EYS: variants seen among roughly 807,000 people sequenced by gnomAD.
EYS encodes protein eyes shut homolog.
In EYS, 250 loss-of-function variants were observed where a neutral mutation model predicts 282.1. The ratio of observed to expected loss-of-function variants is 0.89; its 90% confidence interval spans 0.80 to 0.98. EYS has a LOEUF of 0.98. Ranked by LOEUF, EYS falls within the 50% of genes least tolerant of loss-of-function variation. The probability of loss-of-function intolerance (pLI) is 0.00; values close to 1 mark genes in which losing one functional copy is unlikely to be tolerated. For synonymous variants in EYS, 1,355 were observed against 1,282.9 expected, an observed-to-expected ratio of 1.06 and a Z score of -1.20; for missense variants, 4,016 against 3,709.0, an observed-to-expected ratio of 1.08 and a Z score of -2.15.
chr6:64,284,664 G>T (rs571925741), intron 30 of EYS, among the ~76,000 whole-genome samples: 3 of 152,284 alleles, frequency 2.0e-5, no homozygotes, highest in Admixed American at 6.5e-5. Flanking sequence ...GCAAACTTCT[G>T]CCTGGGCATC....
rs574666341 is a variant in EYS, at chr6:64,093,329, A to G, written c.6425-11327T>C. Among the ~76,000 whole-genome samples, 19 of 152,268 alleles carry G rather than the reference A, an allele frequency of 1.2e-4. No individual in the cohort carries two copies. The East Asian group carries it at 3.3e-3, about 26-fold the overall frequency. On this transcript the variant is annotated intron_variant, in intron 31 of 42. Coordinates refer to ENST00000503581, the MANE Select transcript of EYS (RefSeq NM_001142800.2). ...GCTTGATGGGGATGGCATTGAATCT[A>G]TAAATTACCTCGGGCAGTATGGCCA...
At chr6:65,555,454 A>C (rs1244489927) in intron 2 of EYS, among the ~76,000 whole-genome samples, 1 of 152,092 alleles carries the variant, frequency 6.6e-6, no homozygotes, top group Admixed American at 6.6e-5. Flanking sequence ...ATATTAGTTC[A>C]TATTACTTAG....
chr6:64,814,932 A>AGTGACTTT (rs1406762997), intron 21 of EYS, among the ~76,000 whole-genome samples: 2 of 152,014 alleles, frequency 1.3e-5, no homozygotes, highest in Non-Finnish European at 2.9e-5. Context: ...GCTTACAAAT[A>AGTGACTTT]TTTAGTGACT....
intron 33 of EYS, among the ~76,000 whole-genome samples, chr6:64,038,445 C>T (rs1039577409): frequency 2.5e-4 from 38 of 151,942 alleles, no homozygotes; most frequent in East Asian, 7.7e-4. Flanking sequence ...ATGATTTTAC[C>T]TGTCTTAAAA....
intron 41 of EYS, among the ~76,000 whole-genome samples, chr6:63,735,681 A>G (rs1048524205): frequency 1.6e-4 from 24 of 152,118 alleles, no homozygotes; most frequent in African/African-American, 5.5e-4. Flanking sequence ...ATACAACACT[A>G]CAATCCAACA....
At chr6:65,593,777 G>T in intron 2 of EYS, among the ~76,000 whole-genome samples, 1 of 151,680 alleles carries the variant, frequency 6.6e-6, no homozygotes, top group South Asian at 2.1e-4. Context: ...CTTCTCTTTA[G>T]GAAGTGTTTC....
chr6:64,695,389 G>T (rs1336075511), intron 22 of EYS, among the ~76,000 whole-genome samples: 1 of 151,888 alleles, frequency 6.6e-6, no homozygotes, highest in Non-Finnish European at 1.5e-5. Flanking sequence ...GTGATCTTCT[G>T]CTACCTTCAT....
chr6:64,724,632 G>A (rs1039311478), intron 22 of EYS, among the ~76,000 whole-genome samples: 1 of 152,160 alleles, frequency 6.6e-6, no homozygotes, highest in African/African-American at 2.4e-5. Flanking sequence ...TTAATGTTGA[G>A]TGGGAAAACT....
chr6:65,273,552 C>A (rs1239340168), intron 12 of EYS, among the ~76,000 whole-genome samples: 1 of 152,092 alleles, frequency 6.6e-6, no homozygotes, highest in Admixed American at 6.6e-5. Context: ...CTCCAGACAC[C>A]CCCAATCCAG....
At chr6:65,481,850 G>A (rs950654230) in intron 5 of EYS, among the ~76,000 whole-genome samples, 5 of 152,234 alleles carry the variant, frequency 3.3e-5, no homozygotes, top group Admixed American at 2.6e-4. Flanking sequence ...GATTACAGGC[G>A]TGAGCCACTG....
intron 12 of EYS, among the ~76,000 whole-genome samples, chr6:65,211,497 A>G (rs1041582668): frequency 6.6e-6 from 1 of 152,072 alleles, no homozygotes; most frequent in African/African-American, 2.4e-5. Context: ...AATAAAAACA[A>G]GACAAAAGCT....
intron 22 of EYS, among the ~76,000 whole-genome samples, chr6:64,641,069 C>G (rs1211139764): frequency 6.6e-6 from 1 of 152,150 alleles, no homozygotes; most frequent in South Asian, 2.1e-4. Context: ...AATAGAACTA[C>G]TTGGTATTAG....
At position 65,221,482 on chromosome 6, in the gene EYS, C is replaced by T. The variant is rs75029651; in HGVS notation, c.2023+74381G>A. Among the ~76,000 whole-genome samples, 418 of 152,336 alleles carry T rather than the reference C, an allele frequency of 2.7e-3. 6 individuals are homozygous for T. The highest frequency in any genetic ancestry group is 0.01 in the Middle Eastern group (3 of 294). On this transcript the variant is annotated intron_variant, in intron 12 of 42. Transcript: ENST00000503581. The stretch of plus-strand genomic sequence containing the variant: ...AAGCTGCAAGCCTTAGAGGCTTACA[C>T]ATGGTTTTGGGCCTGCAGGTGCATA...
At chr6:64,373,208 T>C (rs1317606920) in intron 29 of EYS, among the ~76,000 whole-genome samples, 1 of 152,216 alleles carries the variant, frequency 6.6e-6, no homozygotes, top group East Asian at 1.9e-4. Flanking sequence ...TTTCAATCTT[T>C]GAAGTTGCTG....
chr6:64,235,813 A>T (rs1766586282), intron 30 of EYS, among the ~76,000 whole-genome samples: 1 of 152,194 alleles, frequency 6.6e-6, no homozygotes, highest in South Asian at 2.1e-4. Context: ...ACAGGCTCTG[A>T]AATTGTGGCA....
intron 35 of EYS, among the ~76,000 whole-genome samples, chr6:63,984,022 TA>T (rs1482076189): frequency 1.3e-5 from 2 of 151,376 alleles, no homozygotes; most frequent in East Asian, 3.9e-4. Context: ...TTAATAAATA[TA>T]AAAAATTAAT....
At chr6:64,847,232 C>G (rs571430183) in intron 19 of EYS, among the ~76,000 whole-genome samples, 9 of 151,946 alleles carry the variant, frequency 5.9e-5, no homozygotes, top group African/African-American at 1.9e-4. Flanking sequence ...CCCTCTCTCT[C>G]TTCTCTCTCC....
intron 12 of EYS, among the ~76,000 whole-genome samples, chr6:65,100,671 T>C (rs1774869182): frequency 6.6e-6 from 1 of 150,836 alleles, no homozygotes; most frequent in South Asian, 2.1e-4. Flanking sequence ...TGTTGTCAAA[T>C]GACTTGCCCA....
At chr6:64,827,244 C>G in intron 19 of EYS, among the ~76,000 whole-genome samples, 1 of 151,818 alleles carries the variant, frequency 6.6e-6, no homozygotes, top group East Asian at 1.9e-4. Context: ...TTCCACATCT[C>G]TGTTTGCAGC....
Sources: allele counts gnomAD v4.1 joint callset (sites outside exome capture counted in the v4.1 genomes callset), GRCh38; gene constraint gnomAD v4.1.1; transcripts MANE v1.5; gene names NCBI Gene and HGNC (gene_info 2026-07-23, HGNC 2026-07-21).